The following TMCC1 variants were observed in gnomAD, a reference collection of about 807,000 sequenced individuals.
The protein encoded by TMCC1 is transmembrane and coiled-coil domains protein 1.
Under a neutral mutation model 52.4 loss-of-function variants are expected in TMCC1, and 15 were observed. The ratio of observed to expected loss-of-function variants is 0.29; its 90% CI spans 0.19 to 0.44. The LOEUF is 0.44. Among genes scored for constraint, TMCC1 ranks in the 20% least tolerant of loss-of-function variants. The pLI is 1.00. For synonymous variants in TMCC1, 279 were observed against 301.9 expected (o/e 0.92, Z 0.79); for missense variants, 503 against 806.0 (o/e 0.62, Z 4.55).
At chr3:129,876,728 G>A (rs573254751) in intron 2 of TMCC1, among the ~76,000 whole-genome samples, 1 of 152,298 alleles carries the variant, frequency 6.6e-6, no homozygotes, top group African/African-American at 2.4e-5. Flanking sequence ...GCTGAGGCGG[G>A]AGGATCACAA....
At chr3:129,669,730 T>C (rs1342126586) in intron 5 of TMCC1, among the ~76,000 whole-genome samples, 1 of 152,216 alleles carries the variant, frequency 6.6e-6, no homozygotes, top group Admixed American at 6.5e-5. Flanking sequence ...GAATATGTAG[T>C]GTAATATTAA....
intron 4 of TMCC1, among the ~76,000 whole-genome samples, chr3:129,699,745 G>A (rs993181803): frequency 6.6e-6 from 1 of 152,098 alleles, no homozygotes; most frequent in Non-Finnish European, 1.5e-5. Flanking sequence ...AACATAAAGA[G>A]AATCCATCTC....
intron 4 of TMCC1, among the ~76,000 whole-genome samples, chr3:129,798,640 A>C (rs1184277430): frequency 6.6e-6 from 1 of 152,186 alleles, no homozygotes; most frequent in Non-Finnish European, 1.5e-5. Flanking sequence ...AAGTGCTCAG[A>C]ATGTTTTCTA....
Position 129,700,601 on chromosome 3 carries a change from G to A in TMCC1, c.577-29337C>T, listed in dbSNP as rs182985244. On this transcript the variant is annotated intron_variant, in intron 4 of 6. Coordinates refer to ENST00000393238, the MANE Select transcript of TMCC1 (RefSeq NM_001017395.5). ...AAGTGCTTCTCTTGCCTCATCCTCC[G>A]GAGTAGCTGGGATTGCAGGTGCACG... Among the ~76,000 whole-genome samples the A allele has an allele frequency of 2.0e-3, 299 of 151,886 alleles. 1 individual carries two copies. Among genetic ancestry groups the A allele is most frequent in the Admixed American group, 4.3e-3 (66 of 15,256 alleles).
intron 2 of TMCC1, among the ~76,000 whole-genome samples, chr3:129,845,164 G>C (rs897156552): frequency 6.9e-6 from 1 of 144,654 alleles, no homozygotes; most frequent in Non-Finnish European, 1.5e-5. Flanking sequence ...CTCTGGCCTC[G>C]GCAACAGAGC....
chr3:129,869,466 GC>G lies in TMCC1; in HGVS notation c.-184+10842del, dbSNP rs763893155. 2.2e-4 allele frequency among the ~76,000 whole-genome samples: 33 copies of G among 152,176 alleles called. 1 individual carries two copies. Among genetic ancestry groups the G allele is most frequent in the Non-Finnish European group, 4.0e-4 (27 of 68,040 alleles). ...CGAGAACCCCTGAATTTGCAGCCAA[GC>G]CAGACAGAAGTGTGGGTGGCCCAAG... On this transcript the variant is annotated intron_variant, in intron 2 of 6. Coordinates refer to ENST00000393238, the MANE Select transcript of TMCC1 (RefSeq NM_001017395.5).
Position 129,859,697 on chromosome 3 carries a change from T to C in TMCC1, c.-184+20612A>G, listed in dbSNP as rs534887176. ...ACACACACACACACATACACACGTA[T>C]ATACATGAATTCATGGTCTAGGAAA... On this transcript the variant is annotated intron_variant, in intron 2 of 6. Transcript: ENST00000393238. 7.9e-5 allele frequency among the ~76,000 whole-genome samples: 12 copies of C among 151,562 alleles called. No individual in the cohort carries two copies. In the South Asian group the frequency reaches 2.3e-3, roughly 29 times the overall value.
intron 4 of TMCC1, among the ~76,000 whole-genome samples, chr3:129,810,040 A>G (rs2057714394): frequency 1.3e-5 from 2 of 152,222 alleles, no homozygotes; most frequent in South Asian, 4.1e-4. Flanking sequence ...CTAAGGCAAC[A>G]AAAGATACTG....
At chr3:129,658,349 C>T (rs1017615500) in intron 5 of TMCC1, among the ~76,000 whole-genome samples, 2 of 152,220 alleles carry the variant, frequency 1.3e-5, no homozygotes, top group African/African-American at 4.8e-5. Context: ...CTTTCCTCAT[C>T]TTCTCACCTG....
At chr3:129,823,547 A>C (rs557600787) in intron 4 of TMCC1, among the ~76,000 whole-genome samples, 74 of 152,292 alleles carry the variant, frequency 4.9e-4, no homozygotes, top group Admixed American at 1.5e-3. Flanking sequence ...AATTTTTAAC[A>C]AACACCGACT....
intron 4 of TMCC1, among the ~76,000 whole-genome samples, chr3:129,760,044 A>C (rs905591554): frequency 6.6e-6 from 1 of 150,562 alleles, no homozygotes; most frequent in Non-Finnish European, 1.5e-5. Context: ...TTTAATTAAT[A>C]GATTTTATTT....
chr3:129,814,550 T>A (rs140040725), intron 4 of TMCC1, among the ~76,000 whole-genome samples: 184 of 152,112 alleles, frequency 1.2e-3, no homozygotes, highest in African/African-American at 3.9e-3. Context: ...CCCTTACTTA[T>A]CAAAAATAAC....
At position 129,749,396 on chromosome 3, in the gene TMCC1, C is replaced by A. The variant is rs2052293243; in HGVS notation, c.577-78132G>T. 3.3e-5 allele frequency among the ~76,000 whole-genome samples: 5 copies of A among 152,022 alleles called. 1 individual carries two copies. The South Asian group carries it at 1.0e-3, about 32-fold the overall frequency. ...TACATATTAAACTTATAAAATCCTTCTTGCCAAATGTTAACAGAGGAAACA... is the reference window on the plus strand; with the variant it reads ...TACATATTAAACTTATAAAATCCTTATTGCCAAATGTTAACAGAGGAAACA... On this transcript the variant is annotated intron_variant, in intron 4 of 6. Coordinates refer to ENST00000393238, the MANE Select transcript of TMCC1 (RefSeq NM_001017395.5).
At chr3:129,770,978 A>G (rs1350490638) in intron 4 of TMCC1, among the ~76,000 whole-genome samples, 6 of 152,256 alleles carry the variant, frequency 3.9e-5, no homozygotes, top group Non-Finnish European at 5.9e-5. Flanking sequence ...GGTCAAATCA[A>G]TTAAGAAAAT....
chr3:129,665,358 A>AT (rs1446694761), intron 5 of TMCC1, among the ~76,000 whole-genome samples: 1 of 152,218 alleles, frequency 6.6e-6, no homozygotes, highest in Admixed American at 6.5e-5. Flanking sequence ...TTGGGCAACT[A>AT]TCTTCACTTG....
chr3:129,651,278 T>G lies in TMCC1; in HGVS notation c.*203A>C. ...TGCTACATAAAAATGATCCAAGATT[T>G]TCGCCCAAAAAACTTCTTGGATAAA... On this transcript the variant is annotated 3_prime_UTR_variant, in exon 7 of 7. Coordinates refer to ENST00000393238, the MANE Select transcript of TMCC1 (RefSeq NM_001017395.5). This position sits in a 1 kb window ranked among gnomAD's most constrained non-coding sequence, Gnocchi z 5.1. The G allele has an allele frequency of 1.7e-6, 1 of 595,390 alleles. No homozygotes were observed. Among genetic ancestry groups the G allele is most frequent in the Non-Finnish European group, 2.8e-6 (1 of 351,596 alleles). 36.9% of individuals were successfully genotyped at this position (595,390 alleles called of 1,614,324 possible).
At chr3:129,721,928 C>T (rs2049641415) in intron 4 of TMCC1, among the ~76,000 whole-genome samples, 2 of 152,078 alleles carry the variant, frequency 1.3e-5, no homozygotes, top group African/African-American at 2.4e-5. Flanking sequence ...GCAAGGAGGT[C>T]ATATATGAAA....
intron 4 of TMCC1, among the ~76,000 whole-genome samples, chr3:129,765,576 A>AT (rs1560369744): frequency 6.6e-6 from 1 of 152,220 alleles, no homozygotes; most frequent in African/African-American, 2.4e-5. Context: ...TGGATTAACT[A>AT]TGAGTGGTAG....
chr3:129,823,363 A>G (rs1174634431), intron 4 of TMCC1, among the ~76,000 whole-genome samples: 1 of 152,162 alleles, frequency 6.6e-6, no homozygotes. Flanking sequence ...TTATATATTT[A>G]AAATTTTGTT....
Sources: allele counts gnomAD v4.1 joint callset (sites outside exome capture counted in the v4.1 genomes callset), GRCh38; gene constraint gnomAD v4.1.1; non-coding constraint Gnocchi (gnomAD v3.1); transcripts MANE v1.5; gene names NCBI Gene and HGNC (gene_info 2026-07-23, HGNC 2026-07-21).